Variants in RAB6A observed in about 807,000 individuals in gnomAD.
RAB6A encodes the protein RAB6A, member RAS oncogene family, also known as ras-related protein Rab-6A.
Under a neutral mutation model 32.3 loss-of-function variants are expected in RAB6A, and 8 were observed. The observed-to-expected ratio is 0.25, with a 90% CI of 0.15 to 0.45. The LOEUF (loss-of-function observed/expected upper bound fraction) is 0.45. Among genes scored for constraint, RAB6A ranks in the 20% least tolerant of loss-of-function variants. The pLI is 1.00. For missense variants in RAB6A, 104 were observed against 249.4 expected, an observed-to-expected ratio of 0.42 and a Z score of 3.93; for synonymous variants, 73 against 82.1, an observed-to-expected ratio of 0.89 and a Z score of 0.60.
chr11:73,710,398 T>C (rs1359963231), intron 5 of RAB6A, among the ~76,000 whole-genome samples: 1 of 152,052 alleles, frequency 6.6e-6, no homozygotes, highest in Non-Finnish European at 1.5e-5. Flanking sequence ...GACAATCATT[T>C]TGAAATAACA....
chr11:73,681,159 CTT>C (rs1282816214), intron 6 of RAB6A, among the ~76,000 whole-genome samples: 2 of 152,116 alleles, frequency 1.3e-5, no homozygotes, highest in Non-Finnish European at 2.9e-5. Context: ...CATTCTGTGT[CTT>C]TGAGACACAG....
At chr11:73,713,338 A>G (rs1283918608) in intron 5 of RAB6A, among the ~76,000 whole-genome samples, 1 of 152,220 alleles carries the variant, frequency 6.6e-6, no homozygotes, top group Non-Finnish European at 1.5e-5. Flanking sequence ...TGGGAGACCA[A>G]GGCAGGTGGA....
chr11:73,731,452 G>A (rs1456527904), intron 1 of RAB6A, among the ~76,000 whole-genome samples: 1 of 149,568 alleles, frequency 6.7e-6, no homozygotes, highest in Non-Finnish European at 1.5e-5. Context: ...GCTGAGGCAG[G>A]AGAATAACTT....
intron 1 of RAB6A, among the ~76,000 whole-genome samples, chr11:73,759,093 A>C (rs80072760): frequency 4.1e-4 from 62 of 152,362 alleles, no homozygotes; most frequent in African/African-American, 1.4e-3. Context: ...TAGTATAAAT[A>C]GTTCAAAGTA....
intron 2 of RAB6A, among the ~76,000 whole-genome samples, chr11:73,728,264 A>AT (rs1342097688): frequency 6.6e-6 from 1 of 152,196 alleles, no homozygotes; most frequent in Non-Finnish European, 1.5e-5. Context: ...AGCCTTTCAC[A>AT]TTAAGTATAT....
chr11:73,757,087 A>C (rs1230521124), intron 1 of RAB6A, among the ~76,000 whole-genome samples: 1 of 121,612 alleles, frequency 8.2e-6, no homozygotes, highest in African/African-American at 3.2e-5. Flanking sequence ...GTAGTATCTT[A>C]AATATACATA....
chr11:73,685,660 T>C lies in RAB6A; in HGVS notation c.496-5940A>G, dbSNP rs1167897177. ...TTGGGAGGCCAAGACGGGTGGATCA[T>C]CTGAGGTCAGGAGTTTGAGACCAGC... On this transcript the variant is annotated intron_variant, in intron 6 of 7. Coordinates refer to ENST00000336083, the MANE Select transcript of RAB6A (RefSeq NM_198896.2). 3.6e-5 allele frequency among the ~76,000 whole-genome samples: 5 copies of C among 140,448 alleles called. 1 individual carries two copies. Among genetic ancestry groups the C allele is most frequent in the Admixed American group, 2.3e-4 (3 of 13,106 alleles). The allele number at this position is 140,448 out of a possible 152,430, so 92.1% of individuals were successfully genotyped here.
At chr11:73,710,292 CTTT>C (rs1405145259) in intron 5 of RAB6A, among the ~76,000 whole-genome samples, 2 of 151,346 alleles carry the variant, frequency 1.3e-5, no homozygotes, top group Non-Finnish European at 2.9e-5. Context: ...TTATATTTAA[CTTT>C]ATTAATCTTA....
intron 2 of RAB6A, chr11:73,722,459 G>A (rs1219259288): frequency 2.7e-5 from 4 of 146,764 alleles, no homozygotes; most frequent in Admixed American, 1.4e-4. Flanking sequence ...CAATCCTCTC[G>A]AGTAGCTGGG....
chr11:73,750,825 C>CT (rs1370738728), intron 1 of RAB6A, among the ~76,000 whole-genome samples: 4 of 151,074 alleles, frequency 2.6e-5, no homozygotes, highest in African/African-American at 4.9e-5. Flanking sequence ...ATAGAATGTA[C>CT]TTTTTTTTTG....
chr11:73,713,561 G>A (rs1323354555), intron 5 of RAB6A, among the ~76,000 whole-genome samples: 4 of 110,028 alleles, frequency 3.6e-5, no homozygotes, highest in African/African-American at 9.3e-5. Flanking sequence ...GCGAGACTCC[G>A]TCTCAAAAAA....
intron 1 of RAB6A, among the ~76,000 whole-genome samples, chr11:73,734,066 C>T (rs1006096667): frequency 6.6e-6 from 1 of 152,132 alleles, no homozygotes; most frequent in Admixed American, 6.5e-5. Context: ...AAGGGCACTT[C>T]ACCTTGTGAA....
intron 1 of RAB6A, among the ~76,000 whole-genome samples, chr11:73,741,294 G>A (rs1452718840): frequency 1.3e-5 from 2 of 151,918 alleles, no homozygotes; most frequent in East Asian, 1.9e-4. Context: ...ATGCCACCAC[G>A]CCTGGCTAAT....
At chr11:73,715,157 C>G (rs888395655) in intron 5 of RAB6A, among the ~76,000 whole-genome samples, 1 of 151,860 alleles carries the variant, frequency 6.6e-6, no homozygotes, top group Admixed American at 6.6e-5. Context: ...GACGGAGTCT[C>G]ACTCTGTTGC....
chr11:73,735,914 T>C (rs1946384908), intron 1 of RAB6A, among the ~76,000 whole-genome samples: 2 of 74,732 alleles, frequency 2.7e-5, no homozygotes, highest in Admixed American at 1.9e-4. Context: ...AATCCCAACC[T>C]TGCCTTAAAA....
chr11:73,678,356 C>T (rs1470790695), intron 7 of RAB6A, among the ~76,000 whole-genome samples: 1 of 152,198 alleles, frequency 6.6e-6, no homozygotes, highest in Non-Finnish European at 1.5e-5. Context: ...GTGGCTCATG[C>T]CTGTAATCCC....
At chr11:73,751,173 A>T (rs1946664380) in intron 1 of RAB6A, among the ~76,000 whole-genome samples, 1 of 152,050 alleles carries the variant, frequency 6.6e-6, no homozygotes, top group Non-Finnish European at 1.5e-5. Flanking sequence ...CCAGCTACTC[A>T]GGAGGCTGAG....
At chr11:73,696,679 C>T (rs1380961120) in intron 6 of RAB6A, among the ~76,000 whole-genome samples, 1 of 152,020 alleles carries the variant, frequency 6.6e-6, no homozygotes, top group Non-Finnish European at 1.5e-5. Context: ...GATCATGGGT[C>T]ACTGCAGCCT....
intron 1 of RAB6A, among the ~76,000 whole-genome samples, chr11:73,740,208 T>G (rs529763815): frequency 6.6e-6 from 1 of 152,192 alleles, no homozygotes; most frequent in Non-Finnish European, 1.5e-5. Context: ...TTTTTACTTT[T>G]TCCCACAAAA....
Sources: gnomAD v4.1 joint callset for allele counts (sites outside exome capture counted in the v4.1 genomes callset) on GRCh38, gnomAD v4.1.1 for gene constraint, MANE v1.5 for transcripts, NCBI Gene and HGNC (gene_info 2026-07-23, HGNC 2026-07-21) for gene names.